WNT5A: variants seen among roughly 807,000 people sequenced by gnomAD.
The protein encoded by WNT5A is protein Wnt-5a.
A neutral mutation model predicts 42.1 loss-of-function variants in WNT5A; 9 were observed. That is an observed-to-expected ratio of 0.21 (90% confidence interval 0.13 to 0.37). WNT5A has a LOEUF of 0.37. WNT5A is among the 10% of genes least tolerant of loss of function. The pLI, the probability that WNT5A is intolerant of heterozygous loss-of-function variation, is 1.00. For synonymous variants in WNT5A, 210 were observed against 210.0 expected (o/e 1.00, Z 0.00); for missense variants, 426 against 534.0 (o/e 0.80, Z 1.99).
Position 55,466,677 on chromosome 3 carries a change from G to A in WNT5A, c.*3415C>T, listed in dbSNP as rs1306051937. The A allele has an allele frequency of 6.6e-6, 1 of 152,490 alleles. No individual in the cohort carries two copies. The highest frequency in any genetic ancestry group is 1.5e-5 in the Non-Finnish European group (1 of 68,002). The allele number at this position is 152,490 out of a possible 1,614,324, so 9.4% of individuals were successfully genotyped here. A position where few individuals can be genotyped will look rare whatever the true frequency, so the allele number is the denominator to read the frequency against. On this transcript the variant is annotated 3_prime_UTR_variant, in exon 5 of 5. Transcript: ENST00000264634. ...TTTTTTATTAATTTTCTTGTATTGG[G>A]AAGATCTTGAATACGCTCCAGGATG...
the WNT5A span, among the ~76,000 whole-genome samples, chr3:55,497,976 G>A: frequency 6.6e-6 from 1 of 152,200 alleles, no homozygotes; most frequent in Non-Finnish European, 1.5e-5. Context: ...AGGTTAAAAT[G>A]AAATCCTGGC....
upstream of WNT5A, among the ~76,000 whole-genome samples, chr3:55,493,602 C>T (rs1342522379): frequency 6.6e-6 from 1 of 152,204 alleles, no homozygotes; most frequent in Admixed American, 6.5e-5. Context: ...AGTTGTGACA[C>T]AAACCCCTAC....
At chr3:55,495,939 T>C in the WNT5A span, among the ~76,000 whole-genome samples, 1 of 152,258 alleles carries the variant, frequency 6.6e-6, no homozygotes, top group South Asian at 2.1e-4. Context: ...TTGGTATTCC[T>C]GACATCAAGC....
chr3:55,467,962 AG>A lies in WNT5A; in HGVS notation c.*2129del, dbSNP rs1366126206. The A allele has an allele frequency of 6.6e-6, 1 of 152,140 alleles. No individual in the cohort carries two copies. The highest frequency in any genetic ancestry group is 2.4e-5 in the African/African-American group (1 of 41,444). The allele number at this position is 152,140 out of a possible 1,614,324, so 9.4% of individuals were successfully genotyped here. A position where few individuals can be genotyped will look rare whatever the true frequency, so the allele number is the denominator to read the frequency against. On this transcript the variant is annotated 3_prime_UTR_variant, in exon 5 of 5. Transcript: ENST00000264634. ...TTTTGCTCACAATTCACTGCAACTG[AG>A]GGGATGTGAATATCATTATGCAATA...
At chr3:55,503,307 T>A in the WNT5A span, among the ~76,000 whole-genome samples, 3 of 152,256 alleles carry the variant, frequency 2.0e-5, no homozygotes, top group Non-Finnish European at 4.4e-5. Context: ...ATACCTATCA[T>A]TTCCATTTGT....
In WNT5A at chr3:55,467,936, C is replaced by T. The variant is rs375205756; in HGVS notation, c.*2156G>A. ...AATTAGTGCTTTTTGCTTTCAAGATCTTTTGCTCACAATTCACTGCAACTG... is the reference window on the plus strand; with the variant it reads ...AATTAGTGCTTTTTGCTTTCAAGATTTTTTGCTCACAATTCACTGCAACTG... On this transcript the variant is annotated 3_prime_UTR_variant, in exon 5 of 5. Transcript: ENST00000264634. 2.6e-5 allele frequency: 4 copies of T among 152,182 alleles called. No homozygotes were observed. The East Asian group carries it at 5.8e-4, about 22-fold the overall frequency. 9.4% of individuals were successfully genotyped at this position (152,182 alleles called of 1,614,324 possible). A position where few individuals can be genotyped will look rare whatever the true frequency, so the allele number is the denominator to read the frequency against.
Position 55,474,589 on chromosome 3 carries a change from T to A in WNT5A, c.432A>T (p.Ala144=). ...CCCGGCTCATGGCGTTCACCACCCCTGCTGCGCTCACCGCGTATGTGAAGG... is the reference window on the plus strand; with the variant it reads ...CCCGGCTCATGGCGTTCACCACCCCAGCTGCGCTCACCGCGTATGTGAAGG... The part of the protein sequence containing the change: ...ETAFTYAVSA[A]GVVNAMSRAC... The change falls in exon 4 of 5, where the codon GCA becomes GCT. Residue 144 remains alanine (A), a synonymous_variant. Transcript: ENST00000264634. 6.8e-7 allele frequency: 1 copy of A among 1,477,854 alleles called. No homozygotes were observed. The highest frequency in any genetic ancestry group is 8.9e-7 in the Non-Finnish European group (1 of 1,119,016). The allele number at this position is 1,477,854 out of a possible 1,614,324, so 91.5% of individuals were successfully genotyped here. A position where few individuals can be genotyped will look rare whatever the true frequency, so the allele number is the denominator to read the frequency against.
At chr3:55,486,111 A>G (rs1402419339) in intron 1 of WNT5A, among the ~76,000 whole-genome samples, 1 of 152,242 alleles carries the variant, frequency 6.6e-6, no homozygotes, top group Non-Finnish European at 1.5e-5. Flanking sequence ...TTAACATACA[A>G]CTGACAATTA....
At chr3:55,476,129 A>G (rs1229384465) in intron 3 of WNT5A, among the ~76,000 whole-genome samples, 1 of 152,234 alleles carries the variant, frequency 6.6e-6, no homozygotes, top group Non-Finnish European at 1.5e-5. Flanking sequence ...AACAGGACTC[A>G]GTCTGAACGA....
In WNT5A at chr3:55,469,856, C is replaced by A. The variant is rs1436528833; in HGVS notation, c.*236G>T. 4 of 471,476 alleles carry A rather than the reference C, an allele frequency of 8.5e-6. No individual in the cohort carries two copies. The highest frequency in any genetic ancestry group is 1.5e-5 in the Non-Finnish European group (4 of 269,596). 29.2% of individuals were successfully genotyped at this position (471,476 alleles called of 1,614,324 possible). On this transcript the variant is annotated 3_prime_UTR_variant, in exon 5 of 5. Transcript: ENST00000264634. ...CAAAAGAAGTCTTGTATTACCTTTT[C>A]AAAGATCCACAAAATAAATATTTTT...
chr3:55,499,711 C>A, the WNT5A span, among the ~76,000 whole-genome samples: 1 of 152,142 alleles, frequency 6.6e-6, no homozygotes, highest in South Asian at 2.1e-4. Flanking sequence ...TGGTGGCTCA[C>A]GCCTGTAATC....
chr3:55,470,819 C>T (rs1336611672), intron 4 of WNT5A, among the ~76,000 whole-genome samples: 5 of 152,116 alleles, frequency 3.3e-5, no homozygotes, highest in African/African-American at 1.2e-4. Flanking sequence ...ATTGTTCCAG[C>T]TGTATTTTTT....
chr3:55,481,381 C>T, intron 1 of WNT5A: 4 of 985,596 alleles, frequency 4.1e-6, no homozygotes, highest in Non-Finnish European at 4.8e-6. Flanking sequence ...GCGAGAGGAG[C>T]ACGGAGGCGA....
chr3:55,469,954 T>G lies in WNT5A; in HGVS notation c.*138A>C. The G allele has an allele frequency of 1.1e-6, 1 of 929,286 alleles. No homozygotes were observed. The allele number at this position is 929,286 out of a possible 1,614,324, so 57.6% of individuals were successfully genotyped here. A position where few individuals can be genotyped will look rare whatever the true frequency, so the allele number is the denominator to read the frequency against. On this transcript the variant is annotated 3_prime_UTR_variant, in exon 5 of 5. Transcript: ENST00000264634. ...AATAAACCACAGAGTTCTTAGATGG[T>G]AACAGGAAAAAAAATGGTTCCGGTT...
At position 55,483,135 on chromosome 3, in the gene WNT5A, G is replaced by C. The variant is rs1249888534; in HGVS notation, c.7-2217C>G. Among the ~76,000 whole-genome samples, 1 of 152,126 alleles carries C rather than the reference G, an allele frequency of 6.6e-6. No individual in the cohort carries two copies. Among genetic ancestry groups the C allele is most frequent in the Non-Finnish European group, 1.5e-5 (1 of 68,032 alleles). On this transcript the variant is annotated intron_variant, in intron 1 of 4. Transcript: ENST00000264634. This position sits in a 1 kb window ranked among gnomAD's most constrained non-coding sequence, Gnocchi z 4.2. ...CACAAACCGAACCCACTCCCAGCCC[G>C]AAGCCCCCAGGGAGAGTCCACCAGT...
Position 55,487,169 on chromosome 3 carries a change from C to CAG in WNT5A, c.-185_-184insCT. 1.7e-6 allele frequency: 1 copy of CAG among 590,644 alleles called. No individual in the cohort carries two copies. Among genetic ancestry groups the CAG allele is most frequent in the South Asian group, 2.0e-5 (1 of 49,644 alleles). The allele number at this position is 590,644 out of a possible 1,614,324, so 36.6% of individuals were successfully genotyped here. ...GCGGGCACTGGCGCCCGGGCCTGGA[C>CAG]TCCCGAGTTGGGGCAGAGCTGGGAT... On this transcript the variant is annotated 5_prime_UTR_variant, in exon 1 of 5. Coordinates refer to ENST00000264634, the MANE Select transcript of WNT5A (RefSeq NM_003392.7).
At chr3:55,501,110 T>C in the WNT5A span, among the ~76,000 whole-genome samples, 10 of 152,310 alleles carry the variant, frequency 6.6e-5, no homozygotes, top group Admixed American at 5.9e-4. Flanking sequence ...TGGGGTCAAA[T>C]GGTGAGCCAG....
chr3:55,502,405 A>G, the WNT5A span, among the ~76,000 whole-genome samples: 1 of 152,212 alleles, frequency 6.6e-6, no homozygotes, highest in African/African-American at 2.4e-5. Flanking sequence ...TTCAAAAATC[A>G]AACACTTTTT....
chr3:55,497,349 T>G, the WNT5A span: 2 of 152,234 alleles, frequency 1.3e-5, no homozygotes, highest in African/African-American at 4.8e-5. Context: ...ACCCTAGAAA[T>G]CTGTCCAAAG....
Sources: allele counts gnomAD v4.1 joint callset (sites outside exome capture counted in the v4.1 genomes callset), GRCh38; gene constraint gnomAD v4.1.1; non-coding constraint Gnocchi (gnomAD v3.1); transcripts MANE v1.5; gene names NCBI Gene and HGNC (gene_info 2026-07-23, HGNC 2026-07-21).